Variants in SIRPG observed in about 807,000 individuals in gnomAD.
SIRPG encodes signal-regulatory protein gamma.
SIRPG carries 38 observed loss-of-function variants against 35.7 expected under a neutral mutation model. The ratio of observed to expected loss-of-function variants is 1.06; its 90% CI spans 0.82 to 1.40. SIRPG has a LOEUF of 1.40. Among genes scored for constraint, SIRPG ranks in the 40% most tolerant of loss-of-function variants. The pLI is 0.00. For missense variants in SIRPG, 519 were observed against 483.0 expected (o/e 1.07, Z -0.70); for synonymous variants, 215 against 190.4 (o/e 1.13, Z -1.06).
At chr20:1,638,047 G>C (rs1600202801) in intron 2 of SIRPG, among the ~76,000 whole-genome samples, 1 of 152,336 alleles carries the variant, frequency 6.6e-6, no homozygotes, top group African/African-American at 2.4e-5. Flanking sequence ...AAGAAGTCAA[G>C]TCATCAAGAC....
At chr20:1,636,130 G>C (rs1021309079) in intron 3 of SIRPG, 58 bp downstream of exon 3, 38 of 1,610,692 alleles carry the variant, frequency 2.4e-5, no homozygotes, top group Admixed American at 1.5e-4. Context: ...AGCCTGGGGA[G>C]AGGGGAGTGG....
Position 1,649,302 on chromosome 20 carries a change from G to A in SIRPG, c.180C>T (p.Pro60=), listed in dbSNP as rs199911378. 62 of 1,613,966 alleles carry A rather than the reference G, an allele frequency of 3.8e-5. No individual in the cohort carries two copies. In the Admixed American group the frequency reaches 7.7e-4, roughly 20 times the overall value. Residue 60 remains proline, a synonymous_variant, in exon 2 of 6, where the codon CCC becomes CCT. Transcript: ENST00000303415. ...CTCTGAACCACAGGACGGGTCCCACGGGAAGCAGGGAGGTCACAGTGCAGT... is the reference window on the plus strand; with the variant it reads ...CTCTGAACCACAGGACGGGTCCCACAGGAAGCAGGGAGGTCACAGTGCAGT... ...TLHCTVTSLL[P]VGPVLWFRGV... is the part of the protein sequence containing the mutation.
chr20:1,685,109 G>A, the SIRPG span, among the ~76,000 whole-genome samples: 1 of 152,210 alleles, frequency 6.6e-6, no homozygotes, highest in Non-Finnish European at 1.5e-5. Context: ...TGAGTAGGGT[G>A]TGAGGACAGG....
intron 4 of SIRPG, chr20:1,630,700 G>A (rs1390026517): frequency 4.8e-6 from 1 of 206,610 alleles, no homozygotes; most frequent in Non-Finnish European, 9.7e-6. Context: ...CAAACCTAAA[G>A]AAGCTCATCA....
At chr20:1,660,438 C>G (rs969006316), upstream of SIRPG, among the ~76,000 whole-genome samples, 1 of 152,086 alleles carries the variant, frequency 6.6e-6, no homozygotes, top group Non-Finnish European at 1.5e-5. Flanking sequence ...TACTACATTA[C>G]TTTGAGAGGT....
chr20:1,639,028 C>G (rs1016031656), intron 2 of SIRPG, among the ~76,000 whole-genome samples: 1 of 152,102 alleles, frequency 6.6e-6, no homozygotes, highest in Non-Finnish European at 1.5e-5. Flanking sequence ...CACTGATGGG[C>G]ATTTGGGTTG....
At chr20:1,635,683 C>G in intron 3 of SIRPG, 84 bp from the exon 4 acceptor site, 2 of 1,399,490 alleles carry the variant, frequency 1.4e-6, no homozygotes, top group Non-Finnish European at 2.0e-6. Flanking sequence ...CCCACTACCA[C>G]GGTGAGGGCA....
chr20:1,679,578 CT>C, the SIRPG span, among the ~76,000 whole-genome samples: 1 of 152,076 alleles, frequency 6.6e-6, no homozygotes, highest in Non-Finnish European at 1.5e-5. Flanking sequence ...TTCCATATGG[CT>C]TCCTACCTGG....
chr20:1,685,591 T>G, the SIRPG span, among the ~76,000 whole-genome samples: 1 of 152,256 alleles, frequency 6.6e-6, no homozygotes, highest in African/African-American at 2.4e-5. Context: ...TAATTTTAGC[T>G]GCCCAGTCTG....
intron 4 of SIRPG, among the ~76,000 whole-genome samples, chr20:1,633,184 C>T (rs541781831): frequency 1.3e-5 from 2 of 152,140 alleles, no homozygotes; most frequent in South Asian, 2.1e-4. Flanking sequence ...CACGAGTTAC[C>T]GGAACTCACC....
At chr20:1,666,732 C>T in the SIRPG span, 1 of 152,162 alleles carries the variant, frequency 6.6e-6, no homozygotes, top group Non-Finnish European at 1.5e-5. Flanking sequence ...TTTCCTAGGA[C>T]TTCACGTGCA....
chr20:1,666,798 T>A, the SIRPG span, among the ~76,000 whole-genome samples: 1 of 152,160 alleles, frequency 6.6e-6, no homozygotes, highest in Non-Finnish European at 1.5e-5. Context: ...GCTCCATTCA[T>A]GAGAAGTGCC....
the SIRPG span, among the ~76,000 whole-genome samples, chr20:1,681,791 G>A: frequency 3.0e-3 from 458 of 152,248 alleles, 1 homozygote; most frequent in African/African-American, 0.01. Flanking sequence ...AGCTGAGATC[G>A]CAACACTGCA....
At chr20:1,674,111 T>A in the SIRPG span, among the ~76,000 whole-genome samples, 3 of 152,346 alleles carry the variant, frequency 2.0e-5, no homozygotes, top group Admixed American at 1.3e-4. Context: ...TAGGGGGCTG[T>A]GTATTAGAAT....
At chr20:1,669,327 A>G in the SIRPG span, among the ~76,000 whole-genome samples, 3 of 152,236 alleles carry the variant, frequency 2.0e-5, no homozygotes, top group Admixed American at 1.3e-4. Context: ...AAACTACTGG[A>G]TGTTTGAAGC....
chr20:1,670,971 G>T, the SIRPG span: 9 of 348,106 alleles, frequency 2.6e-5, no homozygotes, highest in African/African-American at 1.3e-4. Context: ...GAAGGCAAAG[G>T]TCTCCAGAGG....
the SIRPG span, among the ~76,000 whole-genome samples, chr20:1,668,179 C>CTTTTCT: frequency 4.5e-5 from 3 of 66,820 alleles, 1 homozygote; most frequent in African/African-American, 1.5e-4. Flanking sequence ...TCTTTTCTTT[C>CTTTTCT]TTTCTTTCTT....
the SIRPG span, among the ~76,000 whole-genome samples, chr20:1,683,891 C>T: frequency 2.6e-5 from 4 of 151,868 alleles, no homozygotes; most frequent in Non-Finnish European, 4.4e-5. Flanking sequence ...ATCACTTGAA[C>T]CCAGGTGGTG....
At chr20:1,654,583 T>C (rs1053269941) in intron 1 of SIRPG, among the ~76,000 whole-genome samples, 6 of 152,190 alleles carry the variant, frequency 3.9e-5, no homozygotes, top group Non-Finnish European at 8.8e-5. Flanking sequence ...TCTGAAACTG[T>C]ACAAGAACTA....
Sources: gnomAD v4.1 joint callset for allele counts (sites outside exome capture counted in the v4.1 genomes callset) on GRCh38, gnomAD v4.1.1 for gene constraint, MANE v1.5 for transcripts, NCBI Gene and HGNC (gene_info 2026-07-23, HGNC 2026-07-21) for gene names.